Variants in CAMK4 observed in about 807,000 individuals in gnomAD.
The protein encoded by CAMK4 is calcium/calmodulin dependent protein kinase IV, also known as calcium/calmodulin-dependent protein kinase type IV.
In CAMK4, 22 loss-of-function variants were observed where a neutral mutation model predicts 44.9. The observed-to-expected ratio is 0.49, with a 90% CI of 0.35 to 0.70. The LOEUF (loss-of-function observed/expected upper bound fraction) is 0.70. Among genes scored for constraint, CAMK4 ranks in the 30% least tolerant of loss-of-function variants. The pLI is 0.01. For missense variants in CAMK4, 498 were observed against 586.8 expected, an observed-to-expected ratio of 0.85 and a Z score of 1.56; for synonymous variants, 218 against 215.4, an observed-to-expected ratio of 1.01 and a Z score of -0.11.
Position 111,314,077 on chromosome 5 carries a change from AG to A in CAMK4, c.162-29945del, listed in dbSNP as rs1302698351. Reference sequence around the variant, plus strand: ...AGAAGCCACTCCCCAAAAGTGTAATAGGAAGTAATGGAAAAACTAATACATT... The same window carrying A: ...AGAAGCCACTCCCCAAAAGTGTAATAGAAGTAATGGAAAAACTAATACATT... On this transcript the variant is annotated intron_variant, in intron 1 of 10. Coordinates refer to ENST00000282356, the MANE Select transcript of CAMK4 (RefSeq NM_001744.6). 5.3e-5 allele frequency among the ~76,000 whole-genome samples: 8 copies of A among 152,236 alleles called. No homozygotes were observed. In the East Asian group the frequency reaches 1.5e-3, roughly 29 times the overall value.
intron 5 of CAMK4, among the ~76,000 whole-genome samples, chr5:111,421,712 T>A (rs1753038072): frequency 6.6e-6 from 1 of 152,200 alleles, no homozygotes; most frequent in African/African-American, 2.4e-5. Context: ...AGTTTTTTCA[T>A]GATTTTTAAT....
At chr5:111,250,090 T>A (rs1332450636) in intron 1 of CAMK4, among the ~76,000 whole-genome samples, 1 of 152,240 alleles carries the variant, frequency 6.6e-6, no homozygotes, top group African/African-American at 2.4e-5. Flanking sequence ...CCAAAGCTTA[T>A]ACTCTGTCTT....
At chr5:111,355,560 G>C (rs1044194078) in intron 2 of CAMK4, among the ~76,000 whole-genome samples, 1 of 149,438 alleles carries the variant, frequency 6.7e-6, no homozygotes, top group African/African-American at 2.5e-5. Context: ...GTGCAGGTTA[G>C]TTACATATGT....
intron 5 of CAMK4, among the ~76,000 whole-genome samples, chr5:111,402,204 G>T (rs1025575590): frequency 6.6e-6 from 1 of 152,180 alleles, no homozygotes; most frequent in Non-Finnish European, 1.5e-5. Flanking sequence ...AGATCCAAAT[G>T]GAGAGCCAAC....
chr5:111,424,467 C>CA (rs1358522819), intron 5 of CAMK4, among the ~76,000 whole-genome samples: 3 of 95,448 alleles, frequency 3.1e-5, no homozygotes, highest in African/African-American at 1.2e-4. Context: ...TTTTTTGAGA[C>CA]AGAGTCTCGC....
chr5:111,402,996 G>A (rs769892509), intron 5 of CAMK4, among the ~76,000 whole-genome samples: 16 of 152,104 alleles, frequency 1.1e-4, no homozygotes, highest in South Asian at 6.2e-4. Context: ...ATACTGAACC[G>A]TTTTTTCAAT....
At chr5:111,308,131 G>T (rs1580562975) in intron 1 of CAMK4, among the ~76,000 whole-genome samples, 1 of 127,410 alleles carries the variant, frequency 7.8e-6, no homozygotes, top group Non-Finnish European at 1.6e-5. Flanking sequence ...GGATAGCATT[G>T]GGAGATATAC....
At chr5:111,315,567 C>A (rs1013823732) in intron 1 of CAMK4, among the ~76,000 whole-genome samples, 2 of 152,144 alleles carry the variant, frequency 1.3e-5, no homozygotes, top group Admixed American at 6.6e-5. Flanking sequence ...ATCATCACGA[C>A]AATCTTAGTT....
At chr5:111,456,532 G>T (rs1306733921) in intron 7 of CAMK4, among the ~76,000 whole-genome samples, 2 of 151,784 alleles carry the variant, frequency 1.3e-5, no homozygotes, top group Non-Finnish European at 2.9e-5. Context: ...TTCCCCCTAA[G>T]ATTTAAATGA....
chr5:111,346,773 T>G (rs748658905), intron 2 of CAMK4, among the ~76,000 whole-genome samples: 35 of 151,974 alleles, frequency 2.3e-4, no homozygotes, highest in Middle Eastern at 3.4e-3. Flanking sequence ...TTCTAATATC[T>G]GCCTCCAATT....
At chr5:111,408,116 AAGAGAG>A (rs57215459) in intron 5 of CAMK4, among the ~76,000 whole-genome samples, 2 of 149,366 alleles carry the variant, frequency 1.3e-5, no homozygotes, top group African/African-American at 2.4e-5. Flanking sequence ...CAAAGAAAGA[AAGAGAG>A]AGAGAGAGAG....
chr5:111,353,581 G>A (rs1309134163), intron 2 of CAMK4, among the ~76,000 whole-genome samples: 1 of 152,062 alleles, frequency 6.6e-6, no homozygotes, highest in Admixed American at 6.6e-5. Context: ...TAGATTATAT[G>A]ATTTTAAATA....
chr5:111,251,514 A>G (rs1466191964), intron 1 of CAMK4, among the ~76,000 whole-genome samples: 1 of 152,220 alleles, frequency 6.6e-6, no homozygotes, highest in African/African-American at 2.4e-5. Flanking sequence ...TGTTCACTGC[A>G]TCACAAAGCT....
At chr5:111,377,453 T>C (rs1177694860) in intron 4 of CAMK4, among the ~76,000 whole-genome samples, 3 of 149,400 alleles carry the variant, frequency 2.0e-5, no homozygotes, top group Non-Finnish European at 3.0e-5. Context: ...TAGCCAATTA[T>C]TGCCAACTTT....
At chr5:111,467,793 G>GAAAAC (rs1428572752) in intron 7 of CAMK4, among the ~76,000 whole-genome samples, 1 of 152,160 alleles carries the variant, frequency 6.6e-6, no homozygotes, top group Non-Finnish European at 1.5e-5. Context: ...AAACAGTGTG[G>GAAAAC]AGATTCCTTA....
At chr5:111,385,067 C>T (rs888417777) in intron 4 of CAMK4, among the ~76,000 whole-genome samples, 1 of 152,090 alleles carries the variant, frequency 6.6e-6, no homozygotes, top group East Asian at 1.9e-4. Context: ...TAAGCATCAC[C>T]TTCCAAGTAA....
chr5:111,282,591 A>AC (rs1751070249), intron 1 of CAMK4, among the ~76,000 whole-genome samples: 1 of 152,110 alleles, frequency 6.6e-6, no homozygotes, highest in African/African-American at 2.4e-5. Context: ...CTTTCAGTTT[A>AC]TTTTTTATAT....
At position 111,494,330 on chromosome 5, in the gene CAMK4, G is replaced by A. The variant is rs187029819; in HGVS notation, c.*9864G>A. 6.6e-6 allele frequency: 1 copy of A among 152,260 alleles called. No individual in the cohort carries two copies. 9.4% of individuals were successfully genotyped at this position (152,260 alleles called of 1,614,324 possible). The stretch of plus-strand genomic sequence containing the variant: ...TGTGAACACTTCATTTTTAAAACCT[G>A]ACAATATGGTGCTATTGACTACTTA... On this transcript the variant is annotated 3_prime_UTR_variant, in exon 11 of 11. Coordinates refer to ENST00000282356, the MANE Select transcript of CAMK4 (RefSeq NM_001744.6).
chr5:111,418,154 A>G (rs1312561560), intron 5 of CAMK4, among the ~76,000 whole-genome samples: 1 of 152,198 alleles, frequency 6.6e-6, no homozygotes, highest in Non-Finnish European at 1.5e-5. Context: ...AGAGTACAAA[A>G]GAGAGAAATT....
Sources: gnomAD v4.1 joint callset for allele counts (sites outside exome capture counted in the v4.1 genomes callset) on GRCh38, gnomAD v4.1.1 for gene constraint, MANE v1.5 for transcripts, NCBI Gene and HGNC (gene_info 2026-07-23, HGNC 2026-07-21) for gene names.